RIBC2: variants seen among roughly 807,000 people sequenced by gnomAD.
The protein encoded by RIBC2 is RIB43A-like with coiled-coils protein 2.
RIBC2 carries 40 observed loss-of-function variants against 44.3 expected under a neutral mutation model. The ratio of observed to expected loss-of-function variants is 0.90; its 90% CI spans 0.70 to 1.18. The LOEUF (loss-of-function observed/expected upper bound fraction) is 1.18, where lower values mean the gene tolerates loss of function less well. RIBC2 is among the 50% of genes most tolerant of loss of function. The pLI is 0.00. For synonymous variants in RIBC2, 171 were observed against 175.0 expected, an observed-to-expected ratio of 0.98 and a Z score of 0.18; for missense variants, 459 against 485.5, an observed-to-expected ratio of 0.95 and a Z score of 0.51.
At chr22:45,421,541 A>ATACTAT (rs375074564) in intron 3 of RIBC2, among the ~76,000 whole-genome samples, 10 of 28,016 alleles carry the variant, frequency 3.6e-4, no homozygotes, top group African/African-American at 2.6e-3. Context: ...ATTATTAATA[A>ATACTAT]TATTAATAAT....
intron 2 of RIBC2, among the ~76,000 whole-genome samples, chr22:45,416,195 T>C (rs1223004222): frequency 1.3e-5 from 2 of 152,218 alleles, no homozygotes; most frequent in Non-Finnish European, 2.9e-5. Context: ...TTTTAATTGT[T>C]TTATGGCATT....
intron 4 of RIBC2, among the ~76,000 whole-genome samples, chr22:45,424,781 T>A (rs1017091383): frequency 1.2e-4 from 15 of 129,280 alleles, no homozygotes; most frequent in Non-Finnish European, 1.1e-4. Context: ...TGAGGTGGAG[T>A]CTTGTTCTCT....
In RIBC2 at chr22:45,413,895, C is replaced by CCA; in HGVS notation, c.10_11dup (p.Gln4HisfsTer39). On this transcript the variant is annotated frameshift_variant, in exon 1 of 7. Transcript: ENST00000614167. LOFTEE classifies it high-confidence loss of function. Reference sequence around the variant, plus strand: ...AACCCCTTAGGCTTTCCATGGGTTCCCAGACCATGGCGGTGGCGCTGCCCA... The same window carrying CCA: ...AACCCCTTAGGCTTTCCATGGGTTCCCACAGACCATGGCGGTGGCGCTGCCCA... 1 of 1,551,278 alleles carries CCA rather than the reference C, an allele frequency of 6.4e-7. No homozygotes were observed. The highest frequency in any genetic ancestry group is 8.7e-7 in the Non-Finnish European group (1 of 1,146,688).
intron 3 of RIBC2, 74 bp from the exon 4 acceptor site, chr22:45,422,216 A>G (rs1267528473): frequency 4.9e-6 from 5 of 1,030,310 alleles, no homozygotes; most frequent in Non-Finnish European, 7.7e-6. Context: ...GTAGGAGGCA[A>G]AGGCACGAAC....
rs544912163 is a variant in RIBC2, at chr22:45,424,062, C to G, written c.675+1654C>G. ...TGTCTCATTCATCAATTTATTCATT[C>G]ATATATTCTAGAAGATGTTTAATGG... On this transcript the variant is annotated intron_variant, in intron 4 of 6. Coordinates refer to ENST00000614167, the MANE Select transcript of RIBC2 (RefSeq NM_015653.5). Among the ~76,000 whole-genome samples, 11 of 152,198 alleles carry G rather than the reference C, an allele frequency of 7.2e-5. 1 individual carries two copies. The highest frequency in any genetic ancestry group is 2.6e-4 in the African/African-American group (11 of 41,556).
Position 45,414,188 on chromosome 22 carries a change from T to C in RIBC2, c.130-134T>C, listed in dbSNP as rs538322774. ...GAGCTCGCCTGGAGTCACCAACGGT[T>C]CTCCTCCCCTGAGCCAGATTTTCTA... On this transcript the variant is annotated intron_variant, in intron 1 of 6. Coordinates refer to ENST00000614167, the MANE Select transcript of RIBC2 (RefSeq NM_015653.5). The C allele has an allele frequency of 6.6e-5, 98 of 1,478,022 alleles. No homozygotes were observed. The African/African-American group carries it at 1.2e-3, about 18-fold the overall frequency. 91.6% of individuals were successfully genotyped at this position (1,478,022 alleles called of 1,614,324 possible). A position where few individuals can be genotyped will look rare whatever the true frequency, so the allele number is the denominator to read the frequency against.
At position 45,413,736 on chromosome 22, in the gene RIBC2, G is replaced by C. The variant is rs781135211; in HGVS notation, c.-151G>C. 2 of 1,201,398 alleles carry C rather than the reference G, an allele frequency of 1.7e-6. No homozygotes were observed. Among genetic ancestry groups the C allele is most frequent in the Non-Finnish European group, 2.3e-6 (2 of 863,730 alleles). 74.4% of individuals were successfully genotyped at this position (1,201,398 alleles called of 1,614,324 possible). ...AGAGCGGGAGCGTCTGTACCTCTGCGGCGTCACTGGGAGCCCGACGGAAAA... is the reference window on the plus strand; with the variant it reads ...AGAGCGGGAGCGTCTGTACCTCTGCCGCGTCACTGGGAGCCCGACGGAAAA... On this transcript the variant is annotated 5_prime_UTR_variant, in exon 1 of 7. Transcript: ENST00000614167.
chr22:45,414,722 C>G (rs2087403018), intron 2 of RIBC2, among the ~76,000 whole-genome samples: 1 of 152,146 alleles, frequency 6.6e-6, no homozygotes, highest in Non-Finnish European at 1.5e-5. Flanking sequence ...GCCCAGTTAA[C>G]TTAATGCACT....
At chr22:45,425,883 G>T in intron 4 of RIBC2, 65 bp from the exon 5 acceptor site, 2 of 1,393,806 alleles carry the variant, frequency 1.4e-6, no homozygotes, top group Non-Finnish European at 1.0e-6. Flanking sequence ...AGATTTGCTG[G>T]CCTGGGTGTC....
intron 5 of RIBC2, among the ~76,000 whole-genome samples, chr22:45,427,997 T>TCACCACCACTGTTGATA (rs2087548983): frequency 1.3e-5 from 2 of 152,126 alleles, no homozygotes; most frequent in East Asian, 3.8e-4. Flanking sequence ...ACCCCCCTTC[T>TCACCACCACTGTTGATA]CACCACCACT....
At chr22:45,421,710 TGTCTG>T (rs2087486998) in intron 3 of RIBC2, among the ~76,000 whole-genome samples, 1 of 151,684 alleles carries the variant, frequency 6.6e-6, no homozygotes, top group Admixed American at 6.6e-5. Flanking sequence ...AGCTCGGAAA[TGTCTG>T]GGCTGGGATG....
intron 3 of RIBC2, chr22:45,418,153 G>A: frequency 2.2e-6 from 1 of 452,000 alleles, no homozygotes; most frequent in Non-Finnish European, 3.9e-6. Context: ...GTCAGAGCCT[G>A]CCCTCCAGGA....
At chr22:45,422,434 T>C in intron 4 of RIBC2, 26 bp downstream of exon 4, 1 of 1,531,318 alleles carries the variant, frequency 6.5e-7, no homozygotes, top group Non-Finnish European at 9.1e-7. Context: ...GACCTCGGGC[T>C]CGACGACTGG....
At position 45,413,964 on chromosome 22, in the gene RIBC2, G is replaced by T; in HGVS notation, c.78G>T (p.Ala26=). 2 of 1,551,756 alleles carry T rather than the reference G, an allele frequency of 1.3e-6. No individual in the cohort carries two copies. Among genetic ancestry groups the T allele is most frequent in the Non-Finnish European group, 1.7e-6 (2 of 1,147,006 alleles). ...CCAACCTGGCAAAGAGGAGGCACGC[G>T]GAGCTGTGCAGGCAGAAGCGGGTCT... The part of the protein sequence containing the change: ...QDANLAKRRH[A]ELCRQKRVFN... Residue 26 remains alanine, a synonymous_variant, in exon 1 of 7, where the codon GCG becomes GCT. Transcript: ENST00000614167.
At chr22:45,429,284 G>A (rs760475319) in intron 5 of RIBC2, among the ~76,000 whole-genome samples, 44 of 152,206 alleles carry the variant, frequency 2.9e-4, no homozygotes, top group Non-Finnish European at 7.3e-5. Flanking sequence ...CCCAGTGGGT[G>A]AGAAGGTGAA....
At chr22:45,421,291 G>A (rs1222986081) in intron 3 of RIBC2, among the ~76,000 whole-genome samples, 1 of 136,602 alleles carries the variant, frequency 7.3e-6, no homozygotes, top group Non-Finnish European at 1.5e-5. Flanking sequence ...GAGACTCCAT[G>A]TCAAATAATA....
chr22:45,425,886 T>G, intron 4 of RIBC2, 62 bp from the exon 5 acceptor site: 7 of 1,421,736 alleles, frequency 4.9e-6, no homozygotes, highest in Non-Finnish European at 6.8e-6. Flanking sequence ...TTTGCTGGCC[T>G]GGGTGTCAGA....
At position 45,432,341 on chromosome 22, in the gene RIBC2, A is replaced by G. The variant is rs1028740834; in HGVS notation, c.1128A>G (p.Gln376=). The change falls in exon 7 of 7, where the codon CAA becomes CAG. Residue 376 remains glutamine (Q), a synonymous_variant. Transcript: ENST00000614167. ...AACCCACGGGAGACTATTTCACACAATTTAATACAGGAAGTCGATAATGAG... is the reference window on the plus strand; with the variant it reads ...AACCCACGGGAGACTATTTCACACAGTTTAATACAGGAAGTCGATAATGAG... ...TNQPTGDYFT[Q]FNTGSR 5.6e-6 allele frequency: 9 copies of G among 1,599,264 alleles called. No homozygotes were observed. The highest frequency in any genetic ancestry group is 1.3e-5 in the African/African-American group (1 of 74,538).
Position 45,422,173 on chromosome 22 carries a change from G to T in RIBC2, c.557-117G>T, listed in dbSNP as rs548067523. 5 of 730,678 alleles carry T rather than the reference G, an allele frequency of 6.8e-6. No individual in the cohort carries two copies. In the South Asian group the frequency reaches 7.8e-5, roughly 11 times the overall value. The allele number at this position is 730,678 out of a possible 1,614,324, so 45.3% of individuals were successfully genotyped here. ...TTCAGAGGCAGGTCCTGTCATTATT[G>T]TTCCCGTCCTCATGCTCATGGCTAA... is the stretch of plus-strand genomic sequence containing the variant. On this transcript the variant is annotated intron_variant, in intron 3 of 6. Coordinates refer to ENST00000614167, the MANE Select transcript of RIBC2 (RefSeq NM_015653.5).
Sources: gnomAD v4.1 joint callset for allele counts (sites outside exome capture counted in the v4.1 genomes callset) on GRCh38, gnomAD v4.1.1 for gene constraint, MANE v1.5 for transcripts, NCBI Gene and HGNC (gene_info 2026-07-23, HGNC 2026-07-21) for gene names.